Variants in MMP25 observed in about 807,000 individuals in gnomAD.
MMP25 encodes matrix metalloproteinase-25.
In MMP25, 68 loss-of-function variants were observed where a neutral mutation model predicts 62.1. The ratio of observed to expected loss-of-function variants is 1.10; its 90% confidence interval spans 0.90 to 1.34. The LOEUF is 1.34. Ranked by LOEUF, MMP25 falls within the 40% of genes most tolerant of loss-of-function variation. The pLI is 0.00. For synonymous variants in MMP25, 407 were observed against 345.6 expected, an observed-to-expected ratio of 1.18 and a Z score of -1.97; for missense variants, 942 against 792.5, an observed-to-expected ratio of 1.19 and a Z score of -2.26.
chr16:3,059,077 G>C lies in MMP25; in HGVS notation c.1668G>C (p.Val556=), dbSNP rs1309092295. 3.9e-6 allele frequency: 6 copies of C among 1,546,600 alleles called. No individual in the cohort carries two copies. The highest frequency in any genetic ancestry group is 5.2e-6 in the Non-Finnish European group (6 of 1,144,362). ...PIPLLLLPLL[V]GGVASR is the part of the protein sequence containing the mutation. ...CGCTGCTCCTCTTGCCCCTGCTGGTGGGGGGTGTAGCCTCCCGCTGATGGG... is the reference window on the plus strand; with the variant it reads ...CGCTGCTCCTCTTGCCCCTGCTGGTCGGGGGTGTAGCCTCCCGCTGATGGG... Residue 556 remains valine, a synonymous_variant, in exon 10 of 10, where the codon GTG becomes GTC. Coordinates refer to ENST00000336577, the MANE Select transcript of MMP25 (RefSeq NM_022468.5).
chr16:3,047,838 A>G lies in MMP25; in HGVS notation c.232+291A>G, dbSNP rs796093500. On this transcript the variant is annotated intron_variant, in intron 2 of 9. Transcript: ENST00000336577. ...AGTGAGACCCCCCCACTCTCCAAGG[A>G]TTTTTTTTTTTTTTTTTTGAGACGG... is the stretch of plus-strand genomic sequence containing the variant. 4.7e-3 allele frequency among the ~76,000 whole-genome samples: 639 copies of G among 134,978 alleles called. 8 individuals carry two copies. Among genetic ancestry groups the G allele is most frequent in the African/African-American group, 0.017 (618 of 36,526 alleles). 88.6% of individuals were successfully genotyped at this position (134,978 alleles called of 152,430 possible). A position where few individuals can be genotyped will look rare whatever the true frequency, so the allele number is the denominator to read the frequency against.
intron 2 of MMP25, among the ~76,000 whole-genome samples, chr16:3,049,789 C>G (rs540780659): frequency 2.3e-4 from 35 of 152,296 alleles, no homozygotes; most frequent in African/African-American, 7.7e-4. Context: ...TTGTCCCAGG[C>G]CAGGTGACGC....
At chr16:3,058,038 G>A (rs1339035029) in intron 7 of MMP25, 143 bp from the exon 8 acceptor site, 2 of 975,506 alleles carry the variant, frequency 2.1e-6, no homozygotes, top group East Asian at 5.4e-5. Flanking sequence ...AAAAGTCTCA[G>A]GCGGGCCAGG....
At chr16:3,049,868 C>A in intron 2 of MMP25, 141 bp from the exon 3 acceptor site, 1 of 1,268,504 alleles carries the variant, frequency 7.9e-7, no homozygotes, top group Non-Finnish European at 1.1e-6. Context: ...TGGGTTCAAA[C>A]CTGGGCTGTG....
intron 7 of MMP25, 162 bp downstream of exon 7, chr16:3,057,775 T>G (rs1956038998): frequency 4.4e-6 from 3 of 682,764 alleles, no homozygotes; most frequent in South Asian, 3.5e-5. Context: ...CATGGCTCAC[T>G]GCAGCCTCAA....
In MMP25 at chr16:3,059,301, C is replaced by G. The variant is rs983535234; in HGVS notation, c.*203C>G. 1.5e-5 allele frequency: 8 copies of G among 538,382 alleles called. No individual in the cohort carries two copies. The highest frequency in any genetic ancestry group is 6.0e-5 in the African/African-American group (3 of 50,354). 33.4% of individuals were successfully genotyped at this position (538,382 alleles called of 1,614,324 possible). A position where few individuals can be genotyped will look rare whatever the true frequency, so the allele number is the denominator to read the frequency against. On this transcript the variant is annotated 3_prime_UTR_variant, in exon 10 of 10. Coordinates refer to ENST00000336577, the MANE Select transcript of MMP25 (RefSeq NM_022468.5). ...CGCCTGGCGCTGGGCTCAGTCTCCT[C>G]AGGGTCTGAGACCCCGGCGCTGCCA... is the stretch of plus-strand genomic sequence containing the variant.
In MMP25 at chr16:3,057,567, T is replaced by C. The variant is rs779865413; in HGVS notation, c.960T>C (p.Asn320=). 6.2e-7 allele frequency: 1 copy of C among 1,614,152 alleles called. No individual in the cohort carries two copies. The highest frequency in any genetic ancestry group is 1.1e-5 in the South Asian group (1 of 91,082). Residue 320 remains asparagine, a synonymous_variant, in exon 7 of 10, where the codon AAT becomes AAC. Coordinates refer to ENST00000336577, the MANE Select transcript of MMP25 (RefSeq NM_022468.5). ...CCATCCCTGATCGATGTGAGGGCAA[T>C]TTTGACGCCATCGCCAACATCCGAG... ...SFPIPDRCEG[N]FDAIANIRGE...
At chr16:3,053,153 A>T (rs1243496677) in intron 4 of MMP25, 1 of 152,534 alleles carries the variant, frequency 6.6e-6, no homozygotes, top group Admixed American at 6.5e-5. Context: ...GAGGCTGGGG[A>T]GGCTGTGTGC....
chr16:3,056,772 G>A (rs1956016241), intron 4 of MMP25: 3 of 405,958 alleles, frequency 7.4e-6, no homozygotes, highest in Non-Finnish European at 8.8e-6. Flanking sequence ...GGGCCCCATC[G>A]GTGTGTAAGG....
intron 7 of MMP25, 177 bp downstream of exon 7, chr16:3,057,790 C>A: frequency 1.5e-6 from 1 of 651,752 alleles, no homozygotes; most frequent in South Asian, 1.8e-5. Flanking sequence ...CCTCAAAATA[C>A]TGGGCTCAAG....
rs1033461623 is a variant in MMP25 at position 3,047,335 on chromosome 16, G to A, written c.100-80G>A. 2.6e-6 allele frequency: 4 copies of A among 1,534,996 alleles called. No individual in the cohort carries two copies. In the African/African-American group the frequency reaches 5.5e-5, roughly 21 times the overall value. ...GGGCTCTGGGTGCCTGGGAGGGGCAGGGCTGCCAGGATGGTGGTGGGCAGA... is the reference window on the plus strand; with the variant it reads ...GGGCTCTGGGTGCCTGGGAGGGGCAAGGCTGCCAGGATGGTGGTGGGCAGA... On this transcript the variant is annotated intron_variant, in intron 1 of 9. Transcript: ENST00000336577.
intron 2 of MMP25, 62 bp downstream of exon 2, chr16:3,047,609 G>A (rs1225205079): frequency 7.7e-6 from 12 of 1,565,362 alleles, no homozygotes; most frequent in Non-Finnish European, 9.6e-6. Flanking sequence ...CCGCCCAACA[G>A]CCTTTAGACC....
Position 3,050,052 on chromosome 16 carries a change from G to T in MMP25, c.276G>T (p.Leu92=). Residue 92 remains leucine (L), a synonymous_variant, in exon 3 of 10, where the codon CTG becomes CTT. Coordinates refer to ENST00000336577, the MANE Select transcript of MMP25 (RefSeq NM_022468.5). ...CCATGCGTAAGCCCCGCTGCTCCCT[G>T]CCTGACGTGCTGGGGGTGGCGGGGC... ...VATMRKPRCS[L]PDVLGVAGLV... is the part of the protein sequence containing the mutation. 3 of 1,610,962 alleles carry T rather than the reference G, an allele frequency of 1.9e-6. No homozygotes were observed. The highest frequency in any genetic ancestry group is 2.5e-6 in the Non-Finnish European group (3 of 1,179,936).
chr16:3,057,185 C>A lies in MMP25; in HGVS notation c.814C>A (p.Arg272Ser), dbSNP rs374797521. 6.2e-7 allele frequency: 1 copy of A among 1,612,318 alleles called. No homozygotes were observed. Among genetic ancestry groups the A allele is most frequent in the Non-Finnish European group, 8.5e-7 (1 of 1,179,214 alleles). ...PDKYRLSQDD[R>S]DGLQQLYGKA... Reference sequence around the variant, plus strand: ...CAAGTACCGCCTGTCTCAGGATGACCGCGATGGCCTGCAGCAACTCTATGG... The same window carrying A: ...CAAGTACCGCCTGTCTCAGGATGACAGCGATGGCCTGCAGCAACTCTATGG... The change falls in exon 5 of 10, where the codon CGC (arginine) becomes AGC (serine). Residue 272 changes from arginine to serine, a missense_variant. Transcript: ENST00000336577.
chr16:3,058,339 T>A lies in MMP25; in HGVS notation c.1159+6T>A. ...CCGAATCCTCCTCTTTAGCGGTGAGTGGGGCCGGCGGCGGGGCGCGCTGGG... is the reference window on the plus strand; with the variant it reads ...CCGAATCCTCCTCTTTAGCGGTGAGAGGGGCCGGCGGCGGGGCGCGCTGGG... On this transcript the variant is annotated splice_donor_region_variant and intron_variant, in intron 8 of 9. Transcript: ENST00000336577. The A allele has an allele frequency of 6.5e-7, 1 of 1,543,972 alleles. No individual in the cohort carries two copies. Among genetic ancestry groups the A allele is most frequent in the Non-Finnish European group, 8.7e-7 (1 of 1,147,626 alleles).
intron 4 of MMP25, chr16:3,055,839 C>G (rs1197535330): frequency 2.2e-6 from 1 of 455,344 alleles, no homozygotes. Context: ...GGCCTCTCAG[C>G]AGCTGGAGCA....
At position 3,047,009 on chromosome 16, in the gene MMP25, T is replaced by C. The variant is rs1041201180; in HGVS notation, c.92T>C (p.Leu31Pro). 3 of 1,451,278 alleles carry C rather than the reference T, an allele frequency of 2.1e-6. No individual in the cohort carries two copies. Among genetic ancestry groups the C allele is most frequent in the Non-Finnish European group, 1.8e-6 (2 of 1,109,292 alleles). The allele number at this position is 1,451,278 out of a possible 1,614,324, so 89.9% of individuals were successfully genotyped here. Residue 31 changes from leucine (L) to proline (P), a missense_variant, in exon 1 of 10, where the codon CTG (leucine) becomes CCG (proline). Physicochemically the swap from Leu to Pro is moderately conservative, Grantham distance 98. Coordinates refer to ENST00000336577, the MANE Select transcript of MMP25 (RefSeq NM_022468.5). ...AAGCCCTCGGCGCAGGACGTGAGCC[T>C]GGGCGTGGTGAGCGCGGGGTCCGCA... ...APKPSAQDVS[L>P]GVDWLTRYGY...
chr16:3,056,560 C>T (rs1328058584), intron 4 of MMP25, among the ~76,000 whole-genome samples: 2 of 151,940 alleles, frequency 1.3e-5, no homozygotes, highest in Non-Finnish European at 2.9e-5. Context: ...CACAGGCATG[C>T]GCCACCACTC....
In MMP25 at chr16:3,047,534, G is replaced by A. The variant is rs1020242652; in HGVS notation, c.219G>A (p.Glu73=). The change falls in exon 2 of 10, where the codon GAG becomes GAA. Residue 73 remains glutamate (E), a synonymous_variant. Coordinates refer to ENST00000336577, the MANE Select transcript of MMP25 (RefSeq NM_022468.5). Reference sequence around the variant, plus strand: ...TGCAGAGGTTCGCGGGGCTGCCGGAGACCGGCCGCATGGGTAGGTGGCCCC... The same window carrying A: ...TGCAGAGGTTCGCGGGGCTGCCGGAAACCGGCCGCATGGGTAGGTGGCCCC... ...KVMQRFAGLP[E]TGRMDPGTVA... 3.1e-6 allele frequency: 5 copies of A among 1,613,266 alleles called. No homozygotes were observed. The South Asian group carries it at 3.3e-5, about 11-fold the overall frequency.
Sources: allele counts gnomAD v4.1 joint callset (sites outside exome capture counted in the v4.1 genomes callset), GRCh38; gene constraint gnomAD v4.1.1; transcripts MANE v1.5; gene names NCBI Gene and HGNC (gene_info 2026-07-23, HGNC 2026-07-21).